The following FRAS1 variants were observed in gnomAD, a reference collection of about 807,000 sequenced individuals.
FRAS1 encodes Fraser extracellular matrix complex subunit 1.
In FRAS1, 290 loss-of-function variants were observed where a neutral mutation model predicts 435.2. The observed-to-expected ratio is 0.67, with a 90% CI of 0.61 to 0.73. The LOEUF (loss-of-function observed/expected upper bound fraction) is 0.73, where lower values mean the gene tolerates loss of function less well. Among genes scored for constraint, FRAS1 ranks in the 30% least tolerant of loss-of-function variants. The pLI is 0.00. For synonymous variants in FRAS1, 1,800 were observed against 1,851.0 expected (o/e 0.97, Z 0.71); for missense variants, 4,860 against 5,001.5 (o/e 0.97, Z 0.85).
intron 9 of FRAS1, among the ~76,000 whole-genome samples, chr4:78,269,096 T>G (rs1357819716): frequency 6.6e-6 from 1 of 152,232 alleles, no homozygotes; most frequent in Non-Finnish European, 1.5e-5. Context: ...ATGAAACATA[T>G]CTCTTAGCCT....
intron 70 of FRAS1, among the ~76,000 whole-genome samples, chr4:78,532,305 C>T (rs529717373): frequency 2.6e-5 from 4 of 152,260 alleles, no homozygotes; most frequent in East Asian, 1.9e-4. Context: ...TCCACATAGC[C>T]GCATGTCTTA....
intron 72 of FRAS1, among the ~76,000 whole-genome samples, chr4:78,538,487 T>G (rs1352416794): frequency 2.0e-5 from 3 of 152,212 alleles, no homozygotes; most frequent in Non-Finnish European, 4.4e-5. Flanking sequence ...GTTCTCATGT[T>G]GCTAATGACA....
At chr4:78,371,091 G>GTTTTTTTTT (rs369342938) in intron 23 of FRAS1, among the ~76,000 whole-genome samples, 5 of 124,306 alleles carry the variant, frequency 4.0e-5, no homozygotes, top group Non-Finnish European at 5.2e-5. Context: ...CTGTTTTTTT[G>GTTTTTTTTT]TTTTTTTTTT....
At chr4:78,223,253 A>G (rs1168448630) in intron 2 of FRAS1, among the ~76,000 whole-genome samples, 2 of 152,136 alleles carry the variant, frequency 1.3e-5, no homozygotes. Context: ...TTGGTTTGGA[A>G]TGGGGATGGG....
rs191061364 is a variant in FRAS1, at chr4:78,195,473, G to A, written c.109-42037G>A. Reference sequence around the variant, plus strand: ...TACCTACTCAAGCCTGGGCAATGGCGGGCGCCCCTCCTCCAGCCTCGCTGC... The same window carrying A: ...TACCTACTCAAGCCTGGGCAATGGCAGGCGCCCCTCCTCCAGCCTCGCTGC... On this transcript the variant is annotated intron_variant, in intron 2 of 73. Transcript: ENST00000512123. Among the ~76,000 whole-genome samples, 1,503 of 152,354 alleles carry A rather than the reference G, an allele frequency of 9.9e-3. 16 individuals carry two copies. The highest frequency in any genetic ancestry group is 0.041 in the Middle Eastern group (12 of 294).
At chr4:78,254,945 G>A (rs1056085627) in intron 5 of FRAS1, among the ~76,000 whole-genome samples, 6 of 152,164 alleles carry the variant, frequency 3.9e-5, no homozygotes, top group Admixed American at 1.3e-4. Flanking sequence ...CAGCCCCCAC[G>A]AGGGTTGGGG....
At chr4:78,384,907 CAAAAAA>C (rs11315732) in intron 28 of FRAS1, among the ~76,000 whole-genome samples, 1 of 101,774 alleles carries the variant, frequency 9.8e-6, no homozygotes, top group Non-Finnish European at 1.9e-5. Context: ...GACCCTGTCT[CAAAAAA>C]AAAAAAAAAA....
At chr4:78,199,549 G>T (rs1722961852) in intron 2 of FRAS1, among the ~76,000 whole-genome samples, 1 of 152,198 alleles carries the variant, frequency 6.6e-6, no homozygotes, top group Admixed American at 6.5e-5. Context: ...AAACAAATCA[G>T]TAAAAATGGT....
chr4:78,468,566 G>A lies in FRAS1; in HGVS notation c.7258-1412G>A, dbSNP rs1171067755. 2.0e-5 allele frequency among the ~76,000 whole-genome samples: 3 copies of A among 151,978 alleles called. No homozygotes were observed. The South Asian group carries it at 6.2e-4, about 32-fold the overall frequency. ...ACCAGTAAAATGCTTTTCTCTTGAG[G>A]TTGTGCAACTGTCAAGCTTTACTTC... On this transcript the variant is annotated intron_variant, in intron 50 of 73. Coordinates refer to ENST00000512123, the MANE Select transcript of FRAS1 (RefSeq NM_025074.7).
At chr4:78,538,568 C>A (rs907449999) in intron 72 of FRAS1, among the ~76,000 whole-genome samples, 6 of 152,074 alleles carry the variant, frequency 3.9e-5, no homozygotes, top group African/African-American at 1.2e-4. Flanking sequence ...CTGGGGAGGC[C>A]TCTTACAATC....
chr4:78,057,917 G>T lies in FRAS1; in HGVS notation c.-93G>T. The T allele has an allele frequency of 2.5e-6, 3 of 1,198,908 alleles. No homozygotes were observed. The highest frequency in any genetic ancestry group is 2.4e-6 in the Non-Finnish European group (2 of 817,938). 74.3% of individuals were successfully genotyped at this position (1,198,908 alleles called of 1,614,324 possible). A position where few individuals can be genotyped will look rare whatever the true frequency, so the allele number is the denominator to read the frequency against. ...GCCCGCGGTCCCCCACCTTCAGTGC[G>T]CCCGGGTTCCAAGCGCCGGAGCCAG... On this transcript the variant is annotated 5_prime_UTR_variant, in exon 1 of 74. Coordinates refer to ENST00000512123, the MANE Select transcript of FRAS1 (RefSeq NM_025074.7). This position sits in a 1 kb window ranked among gnomAD's most constrained non-coding sequence, Gnocchi z 4.2.
rs1719902351 is a variant in FRAS1 at position 78,477,905 on chromosome 4, G to A, written c.7942G>A (p.Glu2648Lys). The change falls in exon 55 of 74, where the codon GAG (glutamate) becomes AAG (lysine). Residue 2648 changes from glutamate to lysine, a missense_variant. Coordinates refer to ENST00000512123, the MANE Select transcript of FRAS1 (RefSeq NM_025074.7). ...VFENVESFTV[E>K]LSMPAYALLG... ...TGAAAATGTTGAGAGTTTCACTGTGGAGCTCAGCATGCCAGCTTATGCCCT... is the reference window on the plus strand; with the variant it reads ...TGAAAATGTTGAGAGTTTCACTGTGAAGCTCAGCATGCCAGCTTATGCCCT... 6.2e-7 allele frequency: 1 copy of A among 1,613,510 alleles called. No homozygotes were observed. The highest frequency in any genetic ancestry group is 1.3e-5 in the African/African-American group (1 of 74,912).
At chr4:78,203,724 G>A (rs1430138742) in intron 2 of FRAS1, among the ~76,000 whole-genome samples, 3 of 151,988 alleles carry the variant, frequency 2.0e-5, no homozygotes, top group South Asian at 4.2e-4. Flanking sequence ...CTGCCACCAC[G>A]CCCAGATAAT....
chr4:78,091,030 A>G (rs1223258518), intron 2 of FRAS1, among the ~76,000 whole-genome samples: 12 of 152,212 alleles, frequency 7.9e-5, no homozygotes. Flanking sequence ...AAGAAATTTT[A>G]GCAGTTAAAG....
At chr4:78,522,866 A>G in intron 69 of FRAS1, 58 bp downstream of exon 69, 1 of 1,435,836 alleles carries the variant, frequency 7.0e-7, no homozygotes, top group Non-Finnish European at 9.3e-7. Flanking sequence ...CATTTCTTTC[A>G]GGAGCTTGGG....
chr4:78,332,572 G>A (rs539379639), intron 18 of FRAS1, among the ~76,000 whole-genome samples: 1 of 152,230 alleles, frequency 6.6e-6, no homozygotes, highest in Admixed American at 6.5e-5. Flanking sequence ...ACATGCATCA[G>A]CCCAATTAGT....
intron 2 of FRAS1, among the ~76,000 whole-genome samples, chr4:78,081,909 T>A (rs553539107): frequency 6.6e-6 from 1 of 152,300 alleles, no homozygotes; most frequent in South Asian, 2.1e-4. Flanking sequence ...GGAGGGCTGC[T>A]TCTCAGGCTT....
intron 2 of FRAS1, among the ~76,000 whole-genome samples, chr4:78,126,324 GGA>G (rs1172679564): frequency 6.6e-5 from 10 of 152,168 alleles, no homozygotes; most frequent in African/African-American, 2.4e-4. Flanking sequence ...CCCTTGGCTA[GGA>G]AAGGGAAATC....
At position 78,097,815 on chromosome 4, in the gene FRAS1, G is replaced by A. The variant is rs567638299; in HGVS notation, c.108+31799G>A. Among the ~76,000 whole-genome samples the A allele has an allele frequency of 2.6e-5, 4 of 152,108 alleles. No individual in the cohort carries two copies. The East Asian group carries it at 7.7e-4, about 29-fold the overall frequency. On this transcript the variant is annotated intron_variant, in intron 2 of 73. Coordinates refer to ENST00000512123, the MANE Select transcript of FRAS1 (RefSeq NM_025074.7). ...AGTCCTAACCTTAGTACTTCAGAAT[G>A]TGTCTGCATTTTGAGATAGGGCCTC...
Sources: allele counts gnomAD v4.1 joint callset (sites outside exome capture counted in the v4.1 genomes callset), GRCh38; gene constraint gnomAD v4.1.1; non-coding constraint Gnocchi (gnomAD v3.1); transcripts MANE v1.5; gene names NCBI Gene and HGNC (gene_info 2026-07-23, HGNC 2026-07-21).